Variants in SRFBP1 observed in about 807,000 individuals in gnomAD.
SRFBP1 encodes the protein serum response factor binding protein 1.
SRFBP1 carries 47 observed loss-of-function variants against 45.5 expected under a neutral mutation model. The ratio of observed to expected loss-of-function variants is 1.03; its 90% CI spans 0.82 to 1.32. SRFBP1 has a LOEUF of 1.32. SRFBP1 is among the 40% of genes most tolerant of loss of function. The pLI is 0.00. For missense variants in SRFBP1, 621 were observed against 484.6 expected (o/e 1.28, Z -2.64); for synonymous variants, 203 against 166.3 (o/e 1.22, Z -1.70).
In SRFBP1 at chr5:122,019,268, T is replaced by C; in HGVS notation, c.279T>C (p.Ser93=). The C allele has an allele frequency of 6.2e-7, 1 of 1,612,166 alleles. No individual in the cohort carries two copies. Among genetic ancestry groups the C allele is most frequent in the Non-Finnish European group, 8.5e-7 (1 of 1,178,842 alleles). Residue 93 remains serine, a synonymous_variant, in exon 5 of 8, where the codon TCT becomes TCC. Transcript: ENST00000339397. ...TATTTTTAAATTTGCAGCCAGATTC[T>C]ACTGCAACTGAAAGAGCAATTGCCA... ...NFEKIFKKPD[S]TATERAIARL...
chr5:121,962,758 C>T (rs769524340), intron 1 of SRFBP1, among the ~76,000 whole-genome samples: 6 of 152,154 alleles, frequency 3.9e-5, no homozygotes, highest in Non-Finnish European at 7.4e-5. Context: ...TGCTTCTATT[C>T]AACAAAATAA....
intron 7 of SRFBP1, among the ~76,000 whole-genome samples, chr5:122,023,395 T>G (rs1753402308): frequency 6.6e-6 from 1 of 152,208 alleles, no homozygotes; most frequent in Non-Finnish European, 1.5e-5. Context: ...TCAAATCTCA[T>G]GGATGAGATT....
chr5:121,988,172 A>C (rs991949222), intron 3 of SRFBP1, among the ~76,000 whole-genome samples: 1 of 152,180 alleles, frequency 6.6e-6, no homozygotes, highest in Non-Finnish European at 1.5e-5. Context: ...AAGGAATTCA[A>C]ACAAATTTTA....
chr5:122,045,437 G>A (rs527545042), intron 2 of SRFBP1, among the ~76,000 whole-genome samples: 2 of 152,256 alleles, frequency 1.3e-5, no homozygotes, highest in East Asian at 3.9e-4. Flanking sequence ...TCTGTAAATT[G>A]CTTCAGGCAG....
rs556808695 is a variant in SRFBP1 at position 122,027,268 on chromosome 5, C to T, written c.*142C>T. On this transcript the variant is annotated 3_prime_UTR_variant, in exon 8 of 8. Coordinates refer to ENST00000339397, the MANE Select transcript of SRFBP1 (RefSeq NM_152546.3). ...CTCAAACTCCTGGGCTCAAGTGATC[C>T]TCCCACCTCTGCCTCCCAAAGGGCT... 1.0e-3 allele frequency: 654 copies of T among 627,654 alleles called. 2 individuals carry two copies. The highest frequency in any genetic ancestry group is 1.4e-3 in the Non-Finnish European group (530 of 379,112). The allele number at this position is 627,654 out of a possible 1,614,324, so 38.9% of individuals were successfully genotyped here.
intron 2 of SRFBP1, among the ~76,000 whole-genome samples, chr5:122,042,308 A>T (rs1283976594): frequency 1.3e-5 from 2 of 152,098 alleles, no homozygotes; most frequent in African/African-American, 4.8e-5. Flanking sequence ...TCACTGTGTC[A>T]CCCAGGTGAG....
intron 4 of SRFBP1, among the ~76,000 whole-genome samples, chr5:121,998,169 A>T (rs1254393923): frequency 6.6e-6 from 1 of 151,788 alleles, no homozygotes; most frequent in Non-Finnish European, 1.5e-5. Context: ...TACTGGGTAT[A>T]TACCCAAATG....
chr5:122,068,451 C>G (rs1754360753), intron 2 of SRFBP1, among the ~76,000 whole-genome samples: 2 of 152,022 alleles, frequency 1.3e-5, no homozygotes, highest in South Asian at 4.1e-4. Flanking sequence ...TTATTTTATC[C>G]CTCATGAAAC....
intron 3 of SRFBP1, among the ~76,000 whole-genome samples, chr5:121,983,613 A>G (rs1015982587): frequency 6.6e-6 from 1 of 151,776 alleles, no homozygotes; most frequent in African/African-American, 2.4e-5. Flanking sequence ...GTACAATTGA[A>G]TTATACAAGT....
rs540565002 is a variant in SRFBP1, at chr5:122,048,592, A to G, written n.311+26185A>G. Among the ~76,000 whole-genome samples, 7 of 152,108 alleles carry G rather than the reference A, an allele frequency of 4.6e-5. No homozygotes were observed. The South Asian group carries it at 1.0e-3, about 23-fold the overall frequency. On this transcript the variant is annotated intron_variant and non_coding_transcript_variant, in intron 2 of 2. Transcript: ENST00000504881. Reference sequence around the variant, plus strand: ...GTTAGGGAGGATTCCCTCTTTTTCTATTGATTGGGATAGTTTCAGAAGGAA... The same window carrying G: ...GTTAGGGAGGATTCCCTCTTTTTCTGTTGATTGGGATAGTTTCAGAAGGAA...
intron 2 of SRFBP1, chr5:122,063,637 AAT>A (rs1423731124): frequency 6.6e-6 from 1 of 151,914 alleles, no homozygotes; most frequent in Non-Finnish European, 1.5e-5. Flanking sequence ...AGTTCAAAAA[AAT>A]ATGTATATAT....
At chr5:122,055,365 G>A (rs1754060560) in intron 2 of SRFBP1, among the ~76,000 whole-genome samples, 1 of 152,166 alleles carries the variant, frequency 6.6e-6, no homozygotes, top group East Asian at 1.9e-4. Flanking sequence ...TAAGCTTGAG[G>A]AGAGAAACAC....
At chr5:122,005,807 C>G (rs1307365474) in intron 4 of SRFBP1, among the ~76,000 whole-genome samples, 1 of 152,052 alleles carries the variant, frequency 6.6e-6, no homozygotes, top group African/African-American at 2.4e-5. Context: ...AAACTGTATA[C>G]TTTTATTCCT....
chr5:122,045,149 T>G (rs1471172919), intron 2 of SRFBP1, among the ~76,000 whole-genome samples: 1 of 152,196 alleles, frequency 6.6e-6, no homozygotes, highest in Non-Finnish European at 1.5e-5. Context: ...GTCAACTTTG[T>G]CAAAGACAAG....
At chr5:122,034,349 G>C (rs1223388742) in intron 2 of SRFBP1, among the ~76,000 whole-genome samples, 1 of 151,870 alleles carries the variant, frequency 6.6e-6, no homozygotes, top group Non-Finnish European at 1.5e-5. Context: ...TGTGTTTACT[G>C]TGCTCTTCTT....
rs975337306 is a variant in SRFBP1 at position 121,995,929 on chromosome 5, C to T, written c.270+1259C>T. 7.3e-4 allele frequency among the ~76,000 whole-genome samples: 111 copies of T among 152,212 alleles called. 2 individuals are homozygous for T. Among genetic ancestry groups the T allele is most frequent in the Non-Finnish European group, 1.0e-4 (7 of 68,008 alleles). On this transcript the variant is annotated intron_variant, in intron 4 of 7. Coordinates refer to ENST00000339397, the MANE Select transcript of SRFBP1 (RefSeq NM_152546.3). ...AAAATCTAGAAGAAATGGATAAATTCCTCGACACATACACTCTCCCAAGAC... is the reference window on the plus strand; with the variant it reads ...AAAATCTAGAAGAAATGGATAAATTTCTCGACACATACACTCTCCCAAGAC...
At chr5:122,044,024 T>A (rs1027862307) in intron 2 of SRFBP1, among the ~76,000 whole-genome samples, 6 of 152,120 alleles carry the variant, frequency 3.9e-5, no homozygotes, top group Admixed American at 3.9e-4. Context: ...CACCCTTAAG[T>A]AGGACCCAGT....
At chr5:122,025,876 G>A (rs1226673296) in intron 7 of SRFBP1, among the ~76,000 whole-genome samples, 1 of 152,128 alleles carries the variant, frequency 6.6e-6, no homozygotes, top group Non-Finnish European at 1.5e-5. Flanking sequence ...TGAGGTGGGT[G>A]GATCGTCTGA....
intron 2 of SRFBP1, among the ~76,000 whole-genome samples, chr5:122,039,767 A>G (rs1054037782): frequency 1.3e-5 from 2 of 152,164 alleles, no homozygotes; most frequent in Non-Finnish European, 2.9e-5. Context: ...AGTGACTGAG[A>G]TTTAGGGAGT....
Sources: gnomAD v4.1 joint callset for allele counts (sites outside exome capture counted in the v4.1 genomes callset) on GRCh38, gnomAD v4.1.1 for gene constraint, MANE v1.5 for transcripts, NCBI Gene and HGNC (gene_info 2026-07-23, HGNC 2026-07-21) for gene names.